PLCG2: variants seen among roughly 807,000 people sequenced by gnomAD.
PLCG2 encodes phospholipase C gamma 2.
PLCG2 carries 69 observed loss-of-function variants against 175.6 expected under a neutral mutation model. That is an observed-to-expected ratio of 0.39 (90% CI 0.32 to 0.48). The LOEUF (loss-of-function observed/expected upper bound fraction) is 0.48. Ranked by LOEUF, PLCG2 falls within the 20% of genes least tolerant of loss-of-function variation. PLCG2 has a pLI of 0.91. For missense variants in PLCG2, 1,798 were observed against 1,650.9 expected (o/e 1.09, Z -1.54); for synonymous variants, 827 against 624.0 (o/e 1.33, Z -4.85).
At chr16:81,830,077 T>G (rs1208119595) in intron 2 of PLCG2, among the ~76,000 whole-genome samples, 3 of 151,952 alleles carry the variant, frequency 2.0e-5, no homozygotes, top group African/African-American at 7.2e-5. Context: ...CTCAGCACTT[T>G]GGGAGGCTGA....
chr16:81,867,613 C>G (rs1197910357), intron 5 of PLCG2, among the ~76,000 whole-genome samples: 6 of 152,174 alleles, frequency 3.9e-5, no homozygotes, highest in African/African-American at 1.4e-4. Flanking sequence ...CTGATAAGCA[C>G]TATTGAAGTT....
At chr16:81,787,356 G>A (rs1911017485) in intron 2 of PLCG2, among the ~76,000 whole-genome samples, 1 of 150,500 alleles carries the variant, frequency 6.6e-6, no homozygotes, top group Non-Finnish European at 1.5e-5. Context: ...CAAGTAGCTG[G>A]GACCATGGGA....
chr16:81,799,156 T>A (rs1178838826), intron 2 of PLCG2, among the ~76,000 whole-genome samples: 1 of 152,256 alleles, frequency 6.6e-6, no homozygotes, highest in Non-Finnish European at 1.5e-5. Flanking sequence ...CCCCTCATTA[T>A]AGAAGTACTA....
At chr16:81,848,565 C>G (rs923952319) in intron 2 of PLCG2, among the ~76,000 whole-genome samples, 3 of 152,160 alleles carry the variant, frequency 2.0e-5, no homozygotes, top group African/African-American at 4.8e-5. Context: ...CTCTCTGTCC[C>G]TCTCTGTCTC....
intron 7 of PLCG2, among the ~76,000 whole-genome samples, chr16:81,877,973 ATTTTTTTTTT>A (rs71146052): frequency 8.7e-3 from 485 of 55,762 alleles, no homozygotes; most frequent in Non-Finnish European, 0.011. Flanking sequence ...TTTTTTTTTA[ATTTTTTTTTT>A]TTTTTTTTTT....
intron 1 of PLCG2, among the ~76,000 whole-genome samples, chr16:81,740,752 A>AC (rs1909574463): frequency 1.4e-5 from 2 of 144,656 alleles, no homozygotes; most frequent in Admixed American, 7.0e-5. Flanking sequence ...AAAAAAAAAA[A>AC]AAAAAAAACC....
intron 30 of PLCG2, among the ~76,000 whole-genome samples, chr16:81,944,306 T>C (rs1041859326): frequency 3.4e-5 from 5 of 147,524 alleles, no homozygotes; most frequent in African/African-American, 9.7e-5. Flanking sequence ...AAAATATTTT[T>C]GAAAACATTA....
chr16:81,786,213 C>T, intron 2 of PLCG2, 31 bp downstream of exon 2: 2 of 1,595,902 alleles, frequency 1.3e-6, no homozygotes, highest in Non-Finnish European at 1.7e-6. Context: ...GCAGTGTGGC[C>T]CGTCCTCTGG....
intron 2 of PLCG2, among the ~76,000 whole-genome samples, chr16:81,837,679 C>A (rs1905592814): frequency 6.8e-6 from 1 of 147,662 alleles, no homozygotes; most frequent in Non-Finnish European, 1.5e-5. Context: ...TTGGTACCAA[C>A]ATGTGTTTTT....
intron 6 of PLCG2, 54 bp downstream of exon 6, chr16:81,869,352 C>G (rs1907401067): frequency 1.6e-6 from 2 of 1,288,690 alleles, no homozygotes; most frequent in Non-Finnish European, 2.3e-6. Context: ...GACTTAGCCT[C>G]TCTCATGAAG....
chr16:81,897,233 A>G (rs146192510), intron 13 of PLCG2, among the ~76,000 whole-genome samples: 1 of 152,358 alleles, frequency 6.6e-6, no homozygotes, highest in East Asian at 1.9e-4. Context: ...GAGGCCTTCT[A>G]TAGGCTCATT....
At chr16:81,817,044 G>A (rs1013712188) in intron 2 of PLCG2, among the ~76,000 whole-genome samples, 1 of 152,182 alleles carries the variant, frequency 6.6e-6, no homozygotes, top group Non-Finnish European at 1.5e-5. Context: ...GGAAATAGAG[G>A]CACAACCATC....
chr16:81,793,710 C>G (rs929967621), intron 2 of PLCG2, among the ~76,000 whole-genome samples: 10 of 152,166 alleles, frequency 6.6e-5, no homozygotes, highest in African/African-American at 2.4e-4. Flanking sequence ...AGAGCCTCTT[C>G]TAATGAATGC....
At chr16:81,890,624 C>T (rs1908586141) in intron 10 of PLCG2, among the ~76,000 whole-genome samples, 1 of 152,146 alleles carries the variant, frequency 6.6e-6, no homozygotes, top group Non-Finnish European at 1.5e-5. Flanking sequence ...GCTTGCTGGT[C>T]AGAATGGTTG....
rs1597158149 is a variant in PLCG2, at chr16:81,958,168, C to A, written c.*170C>A. ...CAACTGGCATGAGTTGGGGTAATTT[C>A]CTATTATTTTCATCTTGGACAACTT... On this transcript the variant is annotated 3_prime_UTR_variant, in exon 33 of 33. Transcript: ENST00000564138. 1.7e-6 allele frequency: 1 copy of A among 594,890 alleles called. No individual in the cohort carries two copies. The highest frequency in any genetic ancestry group is 2.8e-5 in the East Asian group (1 of 35,626). 36.9% of individuals were successfully genotyped at this position (594,890 alleles called of 1,614,324 possible).
intron 13 of PLCG2, chr16:81,897,958 T>C (rs958398183): frequency 2.8e-5 from 12 of 432,776 alleles, no homozygotes; most frequent in Non-Finnish European, 4.7e-5. Flanking sequence ...AACCTTTCAA[T>C]GAAGGCATAT....
intron 12 of PLCG2, 87 bp downstream of exon 12, chr16:81,893,881 A>G (rs1053225238): frequency 2.5e-6 from 2 of 810,084 alleles, no homozygotes; most frequent in Non-Finnish European, 4.2e-6. Flanking sequence ...TCGAATTGTA[A>G]AAAGGTTTTA....
chr16:81,801,783 C>T (rs570523884), intron 2 of PLCG2, among the ~76,000 whole-genome samples: 58 of 152,036 alleles, frequency 3.8e-4, no homozygotes, highest in Non-Finnish European at 5.4e-4. Context: ...AGGGTTCAAG[C>T]GATTCTCTTG....
In PLCG2 at chr16:81,833,534, T is replaced by A. The variant is rs567171606; in HGVS notation, c.194-20910T>A. 5.3e-5 allele frequency among the ~76,000 whole-genome samples: 7 copies of A among 132,842 alleles called. No homozygotes were observed. In the East Asian group the frequency reaches 2.2e-3, roughly 41 times the overall value. 87.1% of individuals were successfully genotyped at this position (132,842 alleles called of 152,430 possible). A position where few individuals can be genotyped will look rare whatever the true frequency, so the allele number is the denominator to read the frequency against. ...TTTTCAATTTCAAAATTTAAAAAAA[T>A]CTTTTTTTTTTTTGAGTCAGGATTT... is the stretch of plus-strand genomic sequence containing the variant. On this transcript the variant is annotated intron_variant, in intron 2 of 32. Transcript: ENST00000564138.
Sources: gnomAD v4.1 joint callset for allele counts (sites outside exome capture counted in the v4.1 genomes callset) on GRCh38, gnomAD v4.1.1 for gene constraint, MANE v1.5 for transcripts, NCBI Gene and HGNC (gene_info 2026-07-23, HGNC 2026-07-21) for gene names.